The following MPP2 variants were observed in gnomAD, a reference collection of about 807,000 sequenced individuals.
MPP2 encodes MAGUK p55 scaffold protein 2.
In MPP2, 42 loss-of-function variants were observed where a neutral mutation model predicts 58.5. The observed-to-expected ratio is 0.72, with a 90% CI of 0.56 to 0.93. The LOEUF (loss-of-function observed/expected upper bound fraction) is 0.93. MPP2 is among the 40% of genes least tolerant of loss of function. The probability of loss-of-function intolerance (pLI) is 0.00; values close to 1 mark genes in which losing one functional copy is unlikely to be tolerated. For missense variants in MPP2, 632 were observed against 760.4 expected, an observed-to-expected ratio of 0.83 and a Z score of 1.99; for synonymous variants, 300 against 307.8, an observed-to-expected ratio of 0.97 and a Z score of 0.26.
chr17:43,882,816 C>T, intron 5 of MPP2, 87 bp downstream of exon 5: 2 of 1,578,490 alleles, frequency 1.3e-6, no homozygotes, highest in Non-Finnish European at 1.7e-6. Flanking sequence ...ATCTTCAGAC[C>T]ACACTTGGCC....
chr17:43,893,048 A>G (rs1467116294), intron 3 of MPP2, among the ~76,000 whole-genome samples: 1 of 151,826 alleles, frequency 6.6e-6, no homozygotes, highest in Non-Finnish European at 1.5e-5. Flanking sequence ...AAATGAGTGA[A>G]TGACATAGCC....
chr17:43,899,108 G>A (rs571488895), intron 2 of MPP2, among the ~76,000 whole-genome samples: 23 of 151,878 alleles, frequency 1.5e-4, no homozygotes, highest in East Asian at 5.8e-4. Context: ...TTAGCTGGGC[G>A]TAGTGGCAGG....
intron 6 of MPP2, 146 bp downstream of exon 6, chr17:43,882,138 G>T: frequency 1.4e-6 from 1 of 731,246 alleles, no homozygotes; most frequent in Non-Finnish European, 2.2e-6. Context: ...GTCGGCGGCT[G>T]CGGTCAGCTG....
At chr17:43,901,606 G>A in intron 2 of MPP2, 2 of 984,678 alleles carry the variant, frequency 2.0e-6, no homozygotes, top group Non-Finnish European at 2.4e-6. Flanking sequence ...TACACACCAG[G>A]ACAGTAACCC....
chr17:43,892,282 A>T (rs2047639262), intron 3 of MPP2, among the ~76,000 whole-genome samples: 1 of 152,182 alleles, frequency 6.6e-6, no homozygotes. Flanking sequence ...CAGCTACCAC[A>T]TGTGGCTCCA....
chr17:43,878,758 T>C (rs1177376543), intron 12 of MPP2, among the ~76,000 whole-genome samples: 6 of 152,122 alleles, frequency 3.9e-5, no homozygotes, highest in Non-Finnish European at 7.4e-5. Context: ...CTCCACCTCC[T>C]GGGAAGGCGC....
intron 12 of MPP2, among the ~76,000 whole-genome samples, chr17:43,878,561 C>T (rs1244083040): frequency 1.3e-5 from 2 of 152,196 alleles, no homozygotes; most frequent in African/African-American, 4.8e-5. Context: ...ACACCTGTTG[C>T]CAAGGAGGAG....
chr17:43,907,539 T>A, upstream of MPP2: 3 of 985,476 alleles, frequency 3.0e-6, no homozygotes, highest in Non-Finnish European at 3.6e-6. Context: ...CGTTTATTGC[T>A]TGTCAATCGC....
Position 43,904,504 on chromosome 17 carries a change from G to GA in MPP2, c.-33-12dup, listed in dbSNP as rs779764986. 6.0e-5 allele frequency: 97 copies of GA among 1,613,154 alleles called. No individual in the cohort carries two copies. The highest frequency in any genetic ancestry group is 7.9e-5 in the Non-Finnish European group (93 of 1,179,250). On this transcript the variant is annotated splice_polypyrimidine_tract_variant and intron_variant, in intron 1 of 12. Coordinates refer to ENST00000269095, the MANE Select transcript of MPP2 (RefSeq NM_005374.5). ...TCTGAAACGTCTCTCCTGGAGAGGG[G>GA]AGAGAGGAGGATGAGCAGATACAAG...
At chr17:43,901,495 G>A in intron 2 of MPP2, 1 of 985,452 alleles carries the variant, frequency 1.0e-6, no homozygotes, top group Non-Finnish European at 1.2e-6. Context: ...GAGATCTTGT[G>A]CCCAAGAGGC....
At chr17:43,902,531 G>C (rs1019277734) in intron 2 of MPP2, among the ~76,000 whole-genome samples, 3 of 152,220 alleles carry the variant, frequency 2.0e-5, no homozygotes, top group African/African-American at 7.2e-5. Context: ...GGAGATGGGG[G>C]ACTGAGCCCT....
chr17:43,879,589 G>A lies in MPP2; in HGVS notation c.1354-186C>T, dbSNP rs555522461. On this transcript the variant is annotated intron_variant, in intron 11 of 12. Coordinates refer to ENST00000269095, the MANE Select transcript of MPP2 (RefSeq NM_005374.5). This position sits in a 1 kb window ranked among gnomAD's most constrained non-coding sequence, Gnocchi z 4.1. ...AGCTGGCAGGTGGCTGGGGTGACTG[G>A]AGGAGACTAGAGGAGGAGTGGGGAC... is the stretch of plus-strand genomic sequence containing the variant. Among the ~76,000 whole-genome samples the A allele has an allele frequency of 7.8e-4, 119 of 152,264 alleles. No homozygotes were observed. The highest frequency in any genetic ancestry group is 2.2e-3 in the African/African-American group (90 of 41,532).
intron 3 of MPP2, among the ~76,000 whole-genome samples, chr17:43,896,054 C>T (rs1165639445): frequency 3.3e-5 from 5 of 152,150 alleles, no homozygotes; most frequent in Admixed American, 6.5e-5. Flanking sequence ...TCCAGTGGGA[C>T]GTGGTCCTCC....
chr17:43,882,133 C>T (rs2143560906), intron 6 of MPP2, 151 bp downstream of exon 6: 2 of 703,980 alleles, frequency 2.8e-6, no homozygotes, highest in Non-Finnish European at 4.7e-6. Context: ...GGCCTGTCGG[C>T]GGCTGCGGTC....
At chr17:43,883,163 C>T (rs2047217021) in intron 4 of MPP2, 40 bp downstream of exon 4, 4 of 1,572,102 alleles carry the variant, frequency 2.5e-6, no homozygotes, top group Non-Finnish European at 3.5e-6. Flanking sequence ...CCAGTCCACC[C>T]ACCTCCTGCT....
Position 43,876,123 on chromosome 17 carries a change from T to TGA in MPP2, c.*1683_*1684insTC. 1.3e-5 allele frequency: 2 copies of TGA among 152,762 alleles called. No homozygotes were observed. 9.5% of individuals were successfully genotyped at this position (152,762 alleles called of 1,614,324 possible). A position where few individuals can be genotyped will look rare whatever the true frequency, so the allele number is the denominator to read the frequency against. ...ACCCCATGTGTATAGTCTATGCAAATGCAAATGAGATTCCTAGTATAAGAA... is the reference window on the plus strand; with the variant it reads ...ACCCCATGTGTATAGTCTATGCAAATGAGCAAATGAGATTCCTAGTATAAGAA... On this transcript the variant is annotated 3_prime_UTR_variant, in exon 13 of 13. Coordinates refer to ENST00000269095, the MANE Select transcript of MPP2 (RefSeq NM_005374.5).
chr17:43,906,943 C>G (rs537944758), intron 1 of MPP2, among the ~76,000 whole-genome samples: 4 of 151,620 alleles, frequency 2.6e-5, no homozygotes, highest in Admixed American at 2.0e-4. Flanking sequence ...CAGACCCTAA[C>G]CCTGGCTCCC....
intron 3 of MPP2, among the ~76,000 whole-genome samples, chr17:43,894,459 ACAC>A: frequency 6.8e-5 from 9 of 132,432 alleles, no homozygotes; most frequent in African/African-American, 1.1e-4. Flanking sequence ...ACACACACAC[ACAC>A]AAAAATTAGC....
intron 1 of MPP2, among the ~76,000 whole-genome samples, chr17:43,906,828 C>T (rs2048309373): frequency 6.6e-6 from 1 of 151,924 alleles, no homozygotes; most frequent in African/African-American, 2.4e-5. Flanking sequence ...AATGACTGCC[C>T]CGGCCAACCC....
Sources: gnomAD v4.1 joint callset for allele counts (sites outside exome capture counted in the v4.1 genomes callset) on GRCh38, gnomAD v4.1.1 for gene constraint, Gnocchi (gnomAD v3.1) non-coding constraint, MANE v1.5 for transcripts, NCBI Gene and HGNC (gene_info 2026-07-23, HGNC 2026-07-21) for gene names.